The following PTPRQ variants were observed in gnomAD, a reference collection of about 807,000 sequenced individuals.
PTPRQ encodes the protein protein tyrosine phosphatase receptor type Q, also known as phosphatidylinositol phosphatase PTPRQ.
PTPRQ carries 199 observed loss-of-function variants against 246.0 expected under a neutral mutation model. That is an observed-to-expected ratio of 0.81 (90% CI 0.72 to 0.91). The LOEUF is 0.91. Ranked by LOEUF, PTPRQ falls within the 40% of genes least tolerant of loss-of-function variation. The pLI is 0.00. For synonymous variants in PTPRQ, 869 were observed against 853.2 expected, an observed-to-expected ratio of 1.02 and a Z score of -0.32; for missense variants, 2,624 against 2,528.4, an observed-to-expected ratio of 1.04 and a Z score of -0.81.
intron 17 of PTPRQ, among the ~76,000 whole-genome samples, chr12:80,514,402 A>ACACACTCTCTCTCT (rs552667526): frequency 2.1e-4 from 24 of 113,022 alleles, no homozygotes; most frequent in African/African-American, 6.5e-4. Context: ...ACACACACAC[A>ACACACTCTCTCTCT]CTCTCTCTCT....
chr12:80,569,551 A>AAC lies in PTPRQ; in HGVS notation c.4286-18577_4286-18576insCA, dbSNP rs879668948. On this transcript the variant is annotated intron_variant, in intron 25 of 44. Transcript: ENST00000644991. ...ACTTACAGTATAATAATAATAAATT[A>AAC]AAAACAAAACAAAACAAAAAGAACA... Among the ~76,000 whole-genome samples the AAC allele has an allele frequency of 1.5e-3, 233 of 152,218 alleles. 3 individuals are homozygous for AAC. The highest frequency in any genetic ancestry group is 0.014 in the Admixed American group (218 of 15,288).
chr12:80,591,120 C>G (rs1348471447), intron 26 of PTPRQ, among the ~76,000 whole-genome samples: 1 of 77,388 alleles, frequency 1.3e-5, no homozygotes, highest in African/African-American at 5.7e-5. Context: ...TTGATCATTG[C>G]TTTTTTTTTT....
chr12:80,471,165 A>G (rs1391372240), intron 7 of PTPRQ, among the ~76,000 whole-genome samples: 1 of 151,968 alleles, frequency 6.6e-6, no homozygotes, highest in East Asian at 1.9e-4. Context: ...ATAAGGAGGG[A>G]GAGAGAATAG....
chr12:80,482,627 C>G (rs1894110523), intron 8 of PTPRQ, among the ~76,000 whole-genome samples: 1 of 150,900 alleles, frequency 6.6e-6, no homozygotes, highest in Admixed American at 6.6e-5. Flanking sequence ...ACCTACTCAT[C>G]TGACAAAGGG....
At chr12:80,479,532 A>G (rs1893954758) in intron 8 of PTPRQ, among the ~76,000 whole-genome samples, 1 of 147,264 alleles carries the variant, frequency 6.8e-6, no homozygotes. Context: ...AACAATATTA[A>G]CTTTAAATGT....
rs1232899867 is a variant in PTPRQ, at chr12:80,620,929, G to A, written c.5612+553G>A. 2.0e-5 allele frequency among the ~76,000 whole-genome samples: 3 copies of A among 151,590 alleles called. 1 individual carries two copies. The Admixed American group carries it at 2.0e-4, about 10-fold the overall frequency. On this transcript the variant is annotated intron_variant, in intron 32 of 44. Coordinates refer to ENST00000644991, the MANE Select transcript of PTPRQ (RefSeq NM_001145026.2). The stretch of plus-strand genomic sequence containing the variant: ...ATTTTAAAATCAATTTGATATTTTG[G>A]CTGTATTAAATTATTTGCTAAATTG...
chr12:80,577,330 G>A (rs936608836), intron 25 of PTPRQ, among the ~76,000 whole-genome samples: 1 of 151,912 alleles, frequency 6.6e-6, no homozygotes, highest in Admixed American at 6.5e-5. Flanking sequence ...TCACATGGCA[G>A]CAGCAAGGAA....
At chr12:80,607,320 C>T (rs1898361258) in intron 27 of PTPRQ, among the ~76,000 whole-genome samples, 1 of 150,970 alleles carries the variant, frequency 6.6e-6, no homozygotes, top group African/African-American at 2.4e-5. Context: ...AATTCGCCAA[C>T]ATAAATATAG....
chr12:80,490,158 G>A (rs1222736548), intron 9 of PTPRQ, among the ~76,000 whole-genome samples: 5 of 151,774 alleles, frequency 3.3e-5, no homozygotes, highest in African/African-American at 4.8e-5. Flanking sequence ...TGAATGATAC[G>A]GTATCCTTCA....
intron 24 of PTPRQ, among the ~76,000 whole-genome samples, chr12:80,547,291 C>G (rs1344067423): frequency 6.6e-6 from 1 of 152,088 alleles, no homozygotes; most frequent in East Asian, 1.9e-4. Flanking sequence ...TATTTGGGAC[C>G]TATTTAATGA....
At chr12:80,620,592 A>G (rs1057092886) in intron 32 of PTPRQ, among the ~76,000 whole-genome samples, 9 of 151,816 alleles carry the variant, frequency 5.9e-5, no homozygotes, top group Non-Finnish European at 5.9e-5. Context: ...GGCAACCCTA[A>G]GAGTAATTAT....
At chr12:80,527,639 C>T (rs1488604664) in intron 17 of PTPRQ, among the ~76,000 whole-genome samples, 1 of 151,610 alleles carries the variant, frequency 6.6e-6, no homozygotes, top group African/African-American at 2.4e-5. Flanking sequence ...GGAGATGATC[C>T]AGAAAAAGGA....
chr12:80,655,695 C>T (rs1900410370), intron 38 of PTPRQ, among the ~76,000 whole-genome samples: 2 of 151,890 alleles, frequency 1.3e-5, no homozygotes, highest in African/African-American at 4.8e-5. Context: ...GTAGATTATC[C>T]TATTGTGCTT....
chr12:80,483,251 T>A (rs61950955), intron 8 of PTPRQ, among the ~76,000 whole-genome samples: 1 of 130,908 alleles, frequency 7.6e-6, no homozygotes, highest in Non-Finnish European at 1.7e-5. Flanking sequence ...TTGGAAATCA[T>A]CATTCTCAGT....
At chr12:80,531,824 T>A (rs1372073969) in intron 17 of PTPRQ, among the ~76,000 whole-genome samples, 1 of 150,560 alleles carries the variant, frequency 6.6e-6, no homozygotes, top group East Asian at 1.9e-4. Flanking sequence ...TGAAAAAAAT[T>A]TTTTTAGCTT....
At chr12:80,627,332 A>G (rs932341140) in intron 33 of PTPRQ, among the ~76,000 whole-genome samples, 7 of 147,118 alleles carry the variant, frequency 4.8e-5, no homozygotes, top group Non-Finnish European at 9.0e-5. Flanking sequence ...TCCTGTTATA[A>G]GAACTCAATT....
chr12:80,463,541 G>T (rs562833439), intron 6 of PTPRQ, among the ~76,000 whole-genome samples: 1 of 152,152 alleles, frequency 6.6e-6, no homozygotes, highest in Non-Finnish European at 1.5e-5. Flanking sequence ...TCCTTGAGAA[G>T]AGCAACTCTA....
intron 7 of PTPRQ, among the ~76,000 whole-genome samples, chr12:80,471,623 G>A (rs1270716712): frequency 2.4e-4 from 25 of 104,010 alleles, no homozygotes; most frequent in African/African-American, 6.1e-4. Flanking sequence ...GACTACAGGC[G>A]CGCGCCACTA....
At chr12:80,466,431 C>G (rs1893416425) in intron 6 of PTPRQ, among the ~76,000 whole-genome samples, 1 of 152,092 alleles carries the variant, frequency 6.6e-6, no homozygotes, top group Non-Finnish European at 1.5e-5. Flanking sequence ...GCCACACTGC[C>G]CAAGGTAATT....
Sources: gnomAD v4.1 joint callset for allele counts (sites outside exome capture counted in the v4.1 genomes callset) on GRCh38, gnomAD v4.1.1 for gene constraint, MANE v1.5 for transcripts, NCBI Gene and HGNC (gene_info 2026-07-23, HGNC 2026-07-21) for gene names.